The following ANKS1A variants were observed in gnomAD, a reference collection of about 807,000 sequenced individuals.
ANKS1A encodes the protein ankyrin repeat and sterile alpha motif domain containing 1A, also known as ankyrin repeat and SAM domain-containing protein 1A.
A neutral mutation model predicts 120.3 loss-of-function variants in ANKS1A; 55 were observed. That is an observed-to-expected ratio of 0.46 (90% CI 0.37 to 0.57). The LOEUF (loss-of-function observed/expected upper bound fraction) is 0.57, where lower values mean the gene tolerates loss of function less well. Ranked by LOEUF, ANKS1A falls within the 20% of genes least tolerant of loss-of-function variation. The probability of loss-of-function intolerance (pLI) is 0.00; values close to 1 mark genes in which losing one functional copy is unlikely to be tolerated. For missense variants in ANKS1A, 1,123 were observed against 1,480.3 expected (o/e 0.76, Z 3.96); for synonymous variants, 590 against 604.7 (o/e 0.98, Z 0.36).
intron 13 of ANKS1A, among the ~76,000 whole-genome samples, chr6:35,061,841 G>A (rs911962729): frequency 2.6e-5 from 4 of 152,240 alleles, no homozygotes; most frequent in African/African-American, 9.6e-5. Flanking sequence ...TGGGGACCCA[G>A]GTTGGCCCCT....
chr6:34,912,416 G>A lies in ANKS1A; in HGVS notation c.197+22817G>A, dbSNP rs114266995. On this transcript the variant is annotated intron_variant, in intron 1 of 23. Coordinates refer to ENST00000360359, the MANE Select transcript of ANKS1A (RefSeq NM_015245.3). The stretch of plus-strand genomic sequence containing the variant: ...CCTTTAGAAGGGACGGGTGGTCCTC[G>A]GCTCTATTCTCTCTCACTATCCAAC... Among the ~76,000 whole-genome samples the A allele has an allele frequency of 3.0e-3, 449 of 152,190 alleles. 2 individuals are homozygous for A. The highest frequency in any genetic ancestry group is 9.6e-3 in the African/African-American group (398 of 41,506).
At chr6:35,079,042 C>T (rs554083704) in intron 14 of ANKS1A, among the ~76,000 whole-genome samples, 103 of 152,300 alleles carry the variant, frequency 6.8e-4, no homozygotes, top group African/African-American at 2.4e-3. Flanking sequence ...GGCCCCTCCC[C>T]GAGTGGGCTT....
chr6:35,076,786 C>T (rs182563341), intron 13 of ANKS1A, among the ~76,000 whole-genome samples: 3 of 152,076 alleles, frequency 2.0e-5, no homozygotes, highest in South Asian at 2.1e-4. Flanking sequence ...CCTGCCACCA[C>T]GCCCGGCTAA....
In ANKS1A at chr6:35,083,499, A is replaced by C. The variant is rs781219139; in HGVS notation, c.2990A>C (p.Asn997Thr). 5 of 1,613,796 alleles carry C rather than the reference A, an allele frequency of 3.1e-6. No individual in the cohort carries two copies. Among genetic ancestry groups the C allele is most frequent in the African/African-American group, 1.3e-5 (1 of 74,872 alleles). ...YKGVKFIDAS[N>T]KNVIAEHEIR... ...GGTGTCAAGTTCATCGATGCCTCCA[A>C]CAAGGTGTGCTGCTTACAGGGACTC... is the stretch of plus-strand genomic sequence containing the variant. Residue 997 changes from asparagine to threonine, a missense_variant, in exon 20 of 24, where the codon AAC becomes ACC. By Grantham distance (65) the Asn-to-Thr change is moderately conservative. Coordinates refer to ENST00000360359, the MANE Select transcript of ANKS1A (RefSeq NM_015245.3).
intron 1 of ANKS1A, among the ~76,000 whole-genome samples, chr6:34,940,152 T>C (rs1490822260): frequency 6.6e-6 from 1 of 152,236 alleles, no homozygotes; most frequent in African/African-American, 2.4e-5. Flanking sequence ...GAGTACATTG[T>C]GTCTCCGAAG....
intron 23 of ANKS1A, 92 bp from the exon 24 acceptor site, chr6:35,088,514 T>C (rs1778117643): frequency 2.7e-5 from 42 of 1,538,496 alleles, no homozygotes; most frequent in Non-Finnish European, 3.5e-5. Flanking sequence ...AGGGATCGTC[T>C]GTCCTGCTCT....
At chr6:34,962,713 C>T (rs949836982) in intron 1 of ANKS1A, among the ~76,000 whole-genome samples, 8 of 151,428 alleles carry the variant, frequency 5.3e-5, no homozygotes, top group Non-Finnish European at 8.9e-5. Context: ...CGCTTGAACC[C>T]GGGAGGCAGA....
chr6:35,076,353 A>G (rs1334909449), intron 13 of ANKS1A, among the ~76,000 whole-genome samples: 1 of 152,184 alleles, frequency 6.6e-6, no homozygotes, highest in East Asian at 1.9e-4. Flanking sequence ...CAGAGCTTGC[A>G]GTGAGCTGAG....
Position 34,981,778 on chromosome 6 carries a change from C to T in ANKS1A, c.524C>T (p.Pro175Leu). 6.2e-7 allele frequency: 1 copy of T among 1,614,132 alleles called. No homozygotes were observed. Among genetic ancestry groups the T allele is most frequent in the Non-Finnish European group, 8.5e-7 (1 of 1,180,024 alleles). The part of the protein sequence containing the change: ...VKVLLEELTD[P>L]TMRNNKFETP... ...GTGCTCTTAGAGGAGCTGACGGACCCCACCATGCGCAACAACAAATTCGAG... is the reference window on the plus strand; with the variant it reads ...GTGCTCTTAGAGGAGCTGACGGACCTCACCATGCGCAACAACAAATTCGAG... The change falls in exon 4 of 24, where the codon CCC becomes CTC. Residue 175 changes from proline (P) to leucine (L), a missense_variant. This residue lies in a region of ANKS1A where 146 missense variants were observed against 267.8 expected (regional missense o/e 0.55). Coordinates refer to ENST00000360359, the MANE Select transcript of ANKS1A (RefSeq NM_015245.3).
At chr6:34,900,239 G>A (rs73745046) in intron 1 of ANKS1A, among the ~76,000 whole-genome samples, 2,203 of 152,238 alleles carry the variant, frequency 0.014, 44 homozygotes, top group African/African-American at 0.051. Flanking sequence ...CAAAACTTTT[G>A]CTTATAAAGC....
At chr6:34,916,266 T>C (rs555935114) in intron 1 of ANKS1A, among the ~76,000 whole-genome samples, 15 of 152,266 alleles carry the variant, frequency 9.9e-5, no homozygotes, top group African/African-American at 3.4e-4. Flanking sequence ...GTGCTGGGAT[T>C]ACAGGCATGA....
chr6:34,964,294 T>C (rs1482086109), intron 1 of ANKS1A, among the ~76,000 whole-genome samples: 1 of 152,200 alleles, frequency 6.6e-6, no homozygotes, highest in Non-Finnish European at 1.5e-5. Flanking sequence ...AAGCACTATG[T>C]GAATAGATTC....
chr6:34,962,779 ACT>A (rs1770706946), intron 1 of ANKS1A, among the ~76,000 whole-genome samples: 1 of 151,714 alleles, frequency 6.6e-6, no homozygotes, highest in African/African-American at 2.4e-5. Context: ...ACAGAGCGAG[ACT>A]CTGTCTCAAA....
chr6:34,939,073 A>T (rs1769403971), intron 1 of ANKS1A, among the ~76,000 whole-genome samples: 1 of 152,008 alleles, frequency 6.6e-6, no homozygotes, highest in South Asian at 2.1e-4. Flanking sequence ...TGACTGTCCT[A>T]ATAATTATGA....
chr6:34,999,824 C>CCGG (rs1561903167), intron 10 of ANKS1A, among the ~76,000 whole-genome samples: 16 of 151,426 alleles, frequency 1.1e-4, no homozygotes, highest in Admixed American at 2.0e-4. Flanking sequence ...CAAGGAAAGA[C>CCGG]CAGCAGAGAG....
chr6:35,081,100 G>A lies in ANKS1A; in HGVS notation c.2651G>A (p.Arg884His), dbSNP rs765198526. The A allele has an allele frequency of 1.2e-6, 2 of 1,613,616 alleles. No individual in the cohort carries two copies. Among genetic ancestry groups the A allele is most frequent in the Admixed American group, 1.7e-5 (1 of 60,010 alleles). ...CCTCCAGGGGACACAGGCAGGAGGCGCCATGACAGTCTCCATGACCCTGCG... is the reference window on the plus strand; with the variant it reads ...CCTCCAGGGGACACAGGCAGGAGGCACCATGACAGTCTCCATGACCCTGCG... ...LLPPGDTGRRRHDSLHDPAAP... is the reference protein window; with the variant it reads ...LLPPGDTGRRHHDSLHDPAAP... Residue 884 changes from arginine to histidine, a missense_variant, in exon 17 of 24, where the codon CGC becomes CAC. By Grantham distance (29) the Arg-to-His change is conservative. Transcript: ENST00000360359.
intron 1 of ANKS1A, among the ~76,000 whole-genome samples, chr6:34,960,986 G>A (rs191993822): frequency 1.2e-3 from 180 of 152,322 alleles, no homozygotes; most frequent in Middle Eastern, 6.8e-3. Context: ...CCTAACTTAG[G>A]TTCCATAGCT....
In ANKS1A at chr6:35,086,453, CCTGTGT is replaced by C; in HGVS notation, c.3304-498_3304-493del. The stretch of plus-strand genomic sequence containing the variant: ...TAGCCTCTGGCGGCCTCTCCCTCTG[CCTGTGT>C]GACATTCTTTCCCCTCTTCCTGAGA... On this transcript the variant is annotated intron_variant, in intron 22 of 23. Coordinates refer to ENST00000360359, the MANE Select transcript of ANKS1A (RefSeq NM_015245.3). The surrounding 1 kb of genome is among the most constrained non-coding windows in gnomAD (Gnocchi z 5.1). The C allele has an allele frequency of 1.1e-6, 1 of 923,674 alleles. No homozygotes were observed. The highest frequency in any genetic ancestry group is 1.5e-6 in the Non-Finnish European group (1 of 654,678). The allele number at this position is 923,674 out of a possible 1,614,324, so 57.2% of individuals were successfully genotyped here.
At position 34,980,220 on chromosome 6, in the gene ANKS1A, A is replaced by G. The variant is rs1771832541; in HGVS notation, c.436-1470A>G. 2.6e-5 allele frequency among the ~76,000 whole-genome samples: 4 copies of G among 152,254 alleles called. No individual in the cohort carries two copies. In the South Asian group the frequency reaches 8.3e-4, roughly 32 times the overall value. Reference sequence around the variant, plus strand: ...CCTCTGGCCAGCGAAGGCTGTTGGCACTTTCCTGACAGCTGCTCTCCTTGA... The same window carrying G: ...CCTCTGGCCAGCGAAGGCTGTTGGCGCTTTCCTGACAGCTGCTCTCCTTGA... On this transcript the variant is annotated intron_variant, in intron 3 of 23. Coordinates refer to ENST00000360359, the MANE Select transcript of ANKS1A (RefSeq NM_015245.3).
Sources: allele counts gnomAD v4.1 joint callset (sites outside exome capture counted in the v4.1 genomes callset), GRCh38; gene constraint gnomAD v4.1.1; regional missense constraint gnomAD v4.1.1; non-coding constraint Gnocchi (gnomAD v3.1); transcripts MANE v1.5; gene names NCBI Gene and HGNC (gene_info 2026-07-23, HGNC 2026-07-21).